ZNF347: variants seen among roughly 807,000 people sequenced by gnomAD.
The protein encoded by ZNF347 is zinc finger protein 347.
A neutral mutation model predicts 12.9 loss-of-function variants in ZNF347; 19 were observed. That is an observed-to-expected ratio of 1.47 (90% confidence interval 1.03 to 2.16). ZNF347 has a LOEUF of 2.16. Among genes scored for constraint, ZNF347 ranks in the 30% most tolerant of loss-of-function variants. The pLI, the probability that ZNF347 is intolerant of heterozygous loss-of-function variation, is 0.00. For synonymous variants in ZNF347, 328 were observed against 340.6 expected (o/e 0.96, Z 0.41); for missense variants, 1,005 against 990.6 (o/e 1.01, Z -0.19).
In ZNF347 at chr19:53,142,254, G is replaced by T. The variant is rs1316963109; in HGVS notation, c.574C>A (p.Leu192Met). The change falls in exon 5 of 5, where the codon CTG (leucine) becomes ATG (methionine). Residue 192 changes from leucine to methionine, a missense_variant. By Grantham distance (15) the Leu-to-Met change is conservative. Transcript: ENST00000334197. ...NQLGLSLQSH[L>M]PELQLFQYEG... The stretch of plus-strand genomic sequence containing the variant: ...TATTGAAAAAGCTGCAGTTCAGGCA[G>T]ATGTGACTGAAGGCTTAATCCAAGC... 12 of 1,613,512 alleles carry T rather than the reference G, an allele frequency of 7.4e-6. No individual in the cohort carries two copies. The highest frequency in any genetic ancestry group is 1.0e-5 in the Non-Finnish European group (12 of 1,179,816).
Position 53,141,767 on chromosome 19 carries a change from A to G in ZNF347, c.1061T>C (p.Phe354Ser). ...PYKCNECGKV[F>S]TQNSHLVRHR... ...TCTTACAAGGTGTGAATTCTGAGTG[A>G]AGACCTTGCCACATTCGTTACATTT... Residue 354 changes from phenylalanine to serine, a missense_variant, in exon 5 of 5, where the codon TTC becomes TCC. Coordinates refer to ENST00000334197, the MANE Select transcript of ZNF347 (RefSeq NM_032584.3). 6.2e-7 allele frequency: 1 copy of G among 1,613,742 alleles called. No homozygotes were observed. The highest frequency in any genetic ancestry group is 8.5e-7 in the Non-Finnish European group (1 of 1,179,826).
Position 53,140,205 on chromosome 19 carries a change from T to C in ZNF347, c.*103A>G, listed in dbSNP as rs1265048290. 22 of 1,197,426 alleles carry C rather than the reference T, an allele frequency of 1.8e-5. No individual in the cohort carries two copies. Among genetic ancestry groups the C allele is most frequent in the Admixed American group, 2.4e-5 (1 of 42,236 alleles). 74.2% of individuals were successfully genotyped at this position (1,197,426 alleles called of 1,614,324 possible). ...ATGAGCCACTGCACCCAGCCAGTCA[T>C]TGCATTTTCAAGGAATCTCTCAGGC... On this transcript the variant is annotated 3_prime_UTR_variant, in exon 5 of 5. Coordinates refer to ENST00000334197, the MANE Select transcript of ZNF347 (RefSeq NM_032584.3).
In ZNF347 at chr19:53,141,930, T is replaced by C; in HGVS notation, c.898A>G (p.Thr300Ala). 3 of 1,613,250 alleles carry C rather than the reference T, an allele frequency of 1.9e-6. No homozygotes were observed. In the South Asian group the frequency reaches 3.3e-5, roughly 18 times the overall value. The change falls in exon 5 of 5, where the codon ACA becomes GCA. Residue 300 changes from threonine to alanine, a missense_variant. By Grantham distance (58) the Thr-to-Ala change is moderately conservative. Transcript: ENST00000334197. ...TGATGGGTAGTTAGGTTTGAACGTGTTCTAAAGGCTTTGCCACACTCATAA... is the reference window on the plus strand; with the variant it reads ...TGATGGGTAGTTAGGTTTGAACGTGCTCTAAAGGCTTTGCCACACTCATAA... ...KCYECGKAFR[T>A]RSNLTTHQVI... is the part of the protein sequence containing the mutation.
At chr19:53,156,141 G>A (rs2090534602) in intron 1 of ZNF347, among the ~76,000 whole-genome samples, 1 of 150,616 alleles carries the variant, frequency 6.6e-6, no homozygotes, top group Non-Finnish European at 1.5e-5. Flanking sequence ...GCTCATGCCT[G>A]TAGTCCCAGC....
Position 53,140,936 on chromosome 19 carries a change from C to T in ZNF347, c.1892G>A (p.Gly631Asp), listed in dbSNP as rs993145587. 9 of 1,613,164 alleles carry T rather than the reference C, an allele frequency of 5.6e-6. No homozygotes were observed. Among genetic ancestry groups the T allele is most frequent in the Admixed American group, 1.7e-5 (1 of 59,900 alleles). ...GEKPYKYNEYGKAFSEHSNLT... is the reference protein window; with the variant it reads ...GEKPYKYNEYDKAFSEHSNLT... ...GTTTGAATGTTCACTAAAGGCTTTG[C>T]CATACTCATTATACTTGTAAGGTTT... The change falls in exon 5 of 5, where the codon GGC becomes GAC. Residue 631 changes from glycine to aspartate, a missense_variant. Coordinates refer to ENST00000334197, the MANE Select transcript of ZNF347 (RefSeq NM_032584.3).
chr19:53,148,877 G>T, intron 3 of ZNF347, 68 bp from the exon 4 acceptor site: 4 of 1,552,886 alleles, frequency 2.6e-6, no homozygotes, highest in East Asian at 4.5e-5. Context: ...ATGTTTACAT[G>T]AGGAGGGAGG....
At chr19:53,147,472 C>T (rs570958651) in intron 4 of ZNF347, among the ~76,000 whole-genome samples, 13 of 151,930 alleles carry the variant, frequency 8.6e-5, no homozygotes, top group Admixed American at 4.6e-4. Context: ...GAGGGAGGGT[C>T]AGTTGAGCCC....
chr19:53,145,978 A>C (rs2090460320), intron 4 of ZNF347, among the ~76,000 whole-genome samples: 1 of 151,664 alleles, frequency 6.6e-6, no homozygotes, highest in Non-Finnish European at 1.5e-5. Flanking sequence ...ATTAAAAAAA[A>C]ATTTTTTTTT....
At chr19:53,157,567 G>C (rs2090543797) in intron 1 of ZNF347, among the ~76,000 whole-genome samples, 2 of 151,906 alleles carry the variant, frequency 1.3e-5, no homozygotes, top group South Asian at 4.2e-4. Context: ...TTTCTCCCCA[G>C]TCTTTTCATT....
chr19:53,144,022 G>A (rs1040095901), intron 4 of ZNF347, among the ~76,000 whole-genome samples: 24 of 152,082 alleles, frequency 1.6e-4, no homozygotes, highest in Admixed American at 7.9e-4. Context: ...ACATACTGCC[G>A]TTTTGTTACT....
chr19:53,146,834 C>G (rs2090466240), intron 4 of ZNF347, among the ~76,000 whole-genome samples: 1 of 151,644 alleles, frequency 6.6e-6, no homozygotes, highest in South Asian at 2.1e-4. Context: ...AATAGAAAAC[C>G]TGAAGACACT....
intron 2 of ZNF347, 181 bp from the exon 3 acceptor site, chr19:53,149,548 G>C: frequency 8.0e-7 from 1 of 1,251,282 alleles, no homozygotes; most frequent in Non-Finnish European, 1.1e-6. Context: ...GGAATCTCTG[G>C]AGTGATAAGT....
rs1384247070 is a variant in ZNF347 at position 53,135,325 on chromosome 19, TATATATATATATATAGAGAGAG to T, written c.*4961_*4982del. 4 of 45,916 alleles carry T rather than the reference TATATATATATATATAGAGAGAG, an allele frequency of 8.7e-5. No individual in the cohort carries two copies. Among genetic ancestry groups the T allele is most frequent in the East Asian group, 1.5e-3 (2 of 1,328 alleles). The allele number at this position is 45,916 out of a possible 1,614,324, so 2.8% of individuals were successfully genotyped here. A position where few individuals can be genotyped will look rare whatever the true frequency, so the allele number is the denominator to read the frequency against. On this transcript the variant is annotated 3_prime_UTR_variant, in exon 5 of 5. Coordinates refer to ENST00000334197, the MANE Select transcript of ZNF347 (RefSeq NM_032584.3). ...ATATATATATATATATATATATATATATATATATATATATAGAGAGAGAGAGAGAGAGAGAGAGAGAGAAAGA... is the reference window on the plus strand; with the variant it reads ...ATATATATATATATATATATATATATAGAGAGAGAGAGAGAGAGAGAAAGA...
Position 53,135,335 on chromosome 19 carries a change from T to C in ZNF347, c.*4973A>G, listed in dbSNP as rs796663984. 6 of 79,318 alleles carry C rather than the reference T, an allele frequency of 7.6e-5. No homozygotes were observed. The highest frequency in any genetic ancestry group is 1.5e-4 in the Admixed American group (1 of 6,838). 4.9% of individuals were successfully genotyped at this position (79,318 alleles called of 1,614,324 possible). A position where few individuals can be genotyped will look rare whatever the true frequency, so the allele number is the denominator to read the frequency against. On this transcript the variant is annotated 3_prime_UTR_variant, in exon 5 of 5. Coordinates refer to ENST00000334197, the MANE Select transcript of ZNF347 (RefSeq NM_032584.3). Reference sequence around the variant, plus strand: ...ATATATATATATATATATATATATATATATAGAGAGAGAGAGAGAGAGAGA... The same window carrying C: ...ATATATATATATATATATATATATACATATAGAGAGAGAGAGAGAGAGAGA...
chr19:53,151,264 G>A (rs144808426), intron 2 of ZNF347, among the ~76,000 whole-genome samples: 215 of 152,246 alleles, frequency 1.4e-3, no homozygotes, highest in African/African-American at 4.9e-3. Context: ...GGCCAGGCGT[G>A]GTGGCTCATG....
chr19:53,141,917 A>G lies in ZNF347; in HGVS notation c.911T>C (p.Leu304Pro). 1 of 1,613,868 alleles carries G rather than the reference A, an allele frequency of 6.2e-7. No homozygotes were observed. Among genetic ancestry groups the G allele is most frequent in the Non-Finnish European group, 8.5e-7 (1 of 1,179,938 alleles). Reference sequence around the variant, plus strand: ...AGTATGGATCACCTGATGGGTAGTTAGGTTTGAACGTGTTCTAAAGGCTTT... The same window carrying G: ...AGTATGGATCACCTGATGGGTAGTTGGGTTTGAACGTGTTCTAAAGGCTTT... ...CGKAFRTRSN[L>P]TTHQVIHTGE... Residue 304 changes from leucine (L) to proline (P), a missense_variant, in exon 5 of 5, where the codon CTA becomes CCA. Coordinates refer to ENST00000334197, the MANE Select transcript of ZNF347 (RefSeq NM_032584.3).
rs371857402 is a variant in ZNF347 at position 53,149,523 on chromosome 19, A to G, written c.16-156T>C. 418 of 1,377,094 alleles carry G rather than the reference A, an allele frequency of 3.0e-4. 5 individuals carry two copies. The South Asian group carries it at 5.5e-3, about 18-fold the overall frequency. The allele number at this position is 1,377,094 out of a possible 1,614,324, so 85.3% of individuals were successfully genotyped here. On this transcript the variant is annotated intron_variant, in intron 2 of 4. Transcript: ENST00000334197. ...ATATGGTCTTCATCCCCCTTTCCTG[A>G]CATACATCTCACTTGGAATCTCTGG... is the stretch of plus-strand genomic sequence containing the variant.
At chr19:53,147,562 AAATAATAAT>A in intron 4 of ZNF347, among the ~76,000 whole-genome samples, 1 of 151,118 alleles carries the variant, frequency 6.6e-6, no homozygotes, top group Non-Finnish European at 1.5e-5. Context: ...AGACTATCTC[AAATAATAAT>A]AATAATAATA....
rs1216837077 is a variant in ZNF347, at chr19:53,153,829, T to C, written c.-46-36A>G. On this transcript the variant is annotated intron_variant, in intron 1 of 4. Coordinates refer to ENST00000334197, the MANE Select transcript of ZNF347 (RefSeq NM_032584.3). ...AGGAAAGTGCCTTTAGAAGTCAATA[T>C]TGAATATCCAAAATGTGCTGTTTAT... 11 of 1,528,300 alleles carry C rather than the reference T, an allele frequency of 7.2e-6. No homozygotes were observed. In the East Asian group the frequency reaches 9.0e-5, roughly 13 times the overall value. 94.7% of individuals were successfully genotyped at this position (1,528,300 alleles called of 1,614,324 possible).
Sources: allele counts gnomAD v4.1 joint callset (sites outside exome capture counted in the v4.1 genomes callset), GRCh38; gene constraint gnomAD v4.1.1; transcripts MANE v1.5; gene names NCBI Gene and HGNC (gene_info 2026-07-23, HGNC 2026-07-21).